XRCC4: variants seen among roughly 807,000 people sequenced by gnomAD.
XRCC4 encodes the protein DNA repair protein XRCC4.
In XRCC4, 28 loss-of-function variants were observed where a neutral mutation model predicts 39.1. That is an observed-to-expected ratio of 0.72 (90% CI 0.53 to 0.98). The LOEUF (loss-of-function observed/expected upper bound fraction) is 0.98, where lower values mean the gene tolerates loss of function less well. Among genes scored for constraint, XRCC4 ranks in the 50% least tolerant of loss-of-function variants. The probability of loss-of-function intolerance (pLI) is 0.00; values close to 1 mark genes in which losing one functional copy is unlikely to be tolerated. For missense variants in XRCC4, 350 were observed against 376.4 expected (o/e 0.93, Z 0.58); for synonymous variants, 123 against 126.4 (o/e 0.97, Z 0.18).
At chr5:83,298,982 G>T (rs1755184938) in intron 7 of XRCC4, among the ~76,000 whole-genome samples, 1 of 151,756 alleles carries the variant, frequency 6.6e-6, no homozygotes. Context: ...ATTTTATATA[G>T]TCAATGCTCA....
At chr5:83,197,264 A>G (rs1580357968) in intron 4 of XRCC4, among the ~76,000 whole-genome samples, 1 of 152,152 alleles carries the variant, frequency 6.6e-6, no homozygotes, top group East Asian at 1.9e-4. Flanking sequence ...AGATATCTGT[A>G]CTACAAAGCA....
At chr5:83,155,232 G>A (rs896562518) in intron 3 of XRCC4, among the ~76,000 whole-genome samples, 1 of 152,100 alleles carries the variant, frequency 6.6e-6, no homozygotes, top group Non-Finnish European at 1.5e-5. Flanking sequence ...TATCATGAGT[G>A]TATATGATTC....
intron 6 of XRCC4, among the ~76,000 whole-genome samples, chr5:83,254,465 A>G (rs1445840119): frequency 6.6e-6 from 1 of 152,194 alleles, no homozygotes; most frequent in African/African-American, 2.4e-5. Flanking sequence ...AAATGAATAC[A>G]TATAACCTAA....
intron 6 of XRCC4, among the ~76,000 whole-genome samples, chr5:83,214,950 G>C (rs1303044258): frequency 6.6e-6 from 1 of 151,594 alleles, no homozygotes; most frequent in Non-Finnish European, 1.5e-5. Context: ...AGAAATTCAA[G>C]ACTCCTACAC....
At chr5:83,321,060 C>T (rs1202436873) in intron 7 of XRCC4, among the ~76,000 whole-genome samples, 1 of 152,010 alleles carries the variant, frequency 6.6e-6, no homozygotes, top group Non-Finnish European at 1.5e-5. Flanking sequence ...CTGCCCGCCT[C>T]GGCCTCCCAA....
chr5:83,145,364 T>C (rs1444066878), intron 3 of XRCC4, among the ~76,000 whole-genome samples: 1 of 152,204 alleles, frequency 6.6e-6, no homozygotes, highest in Non-Finnish European at 1.5e-5. Context: ...CTGAACATTG[T>C]GAATGATGTA....
intron 3 of XRCC4, among the ~76,000 whole-genome samples, chr5:83,192,611 G>A (rs1365663817): frequency 6.6e-6 from 1 of 151,844 alleles, no homozygotes; most frequent in African/African-American, 2.4e-5. Context: ...GCACCTGGCC[G>A]ATTATCAATA....
chr5:83,237,594 G>C (rs1752738353), intron 6 of XRCC4, among the ~76,000 whole-genome samples: 1 of 152,088 alleles, frequency 6.6e-6, no homozygotes, highest in South Asian at 2.1e-4. Context: ...GGGTGATAAA[G>C]AGGGGAATAG....
At chr5:83,265,924 A>G (rs916228584) in intron 7 of XRCC4, among the ~76,000 whole-genome samples, 1 of 152,084 alleles carries the variant, frequency 6.6e-6, no homozygotes, top group African/African-American at 2.4e-5. Context: ...GTACATTTAA[A>G]TTTTAAATTA....
intron 2 of XRCC4, among the ~76,000 whole-genome samples, chr5:83,109,695 T>C (rs1746357973): frequency 6.6e-6 from 1 of 151,858 alleles, no homozygotes; most frequent in African/African-American, 2.4e-5. Context: ...CCAAAGTAAT[T>C]GATGAGAATT....
intron 3 of XRCC4, among the ~76,000 whole-genome samples, chr5:83,171,761 T>C (rs1031390728): frequency 1.3e-5 from 2 of 152,208 alleles, no homozygotes; most frequent in Non-Finnish European, 2.9e-5. Flanking sequence ...CCATCAACTC[T>C]TTTCAAATTG....
rs1014681527 is a variant in XRCC4, at chr5:83,233,976, C to G, written c.746-24554C>G. Among the ~76,000 whole-genome samples, 4 of 151,596 alleles carry G rather than the reference C, an allele frequency of 2.6e-5. No individual in the cohort carries two copies. In the South Asian group the frequency reaches 8.3e-4, roughly 32 times the overall value. ...TGATAGACAGCACAGTTATTTACAG[C>G]ACTATGGAGATCTAGGGTTTAGTTT... On this transcript the variant is annotated intron_variant, in intron 6 of 7. Coordinates refer to ENST00000396027, the MANE Select transcript of XRCC4 (RefSeq NM_003401.5).
intron 7 of XRCC4, among the ~76,000 whole-genome samples, chr5:83,276,902 CAG>C (rs1055863611): frequency 1.3e-4 from 20 of 151,952 alleles, no homozygotes; most frequent in African/African-American, 4.6e-4. Flanking sequence ...TTGCTTATAA[CAG>C]AATCTTGTTA....
the XRCC4 span, among the ~76,000 whole-genome samples, chr5:83,360,703 C>A: frequency 6.6e-6 from 1 of 151,976 alleles, no homozygotes; most frequent in Non-Finnish European, 1.5e-5. Context: ...AGTTACAGAG[C>A]AGAACAGAAC....
intron 1 of XRCC4, among the ~76,000 whole-genome samples, chr5:83,088,007 TGTC>T (rs1201361402): frequency 6.6e-6 from 1 of 152,218 alleles, no homozygotes; most frequent in Non-Finnish European, 1.5e-5. Context: ...GGAATTGTAT[TGTC>T]GTTGCTACTG....
At chr5:83,229,947 A>G (rs1349140030) in intron 6 of XRCC4, among the ~76,000 whole-genome samples, 2 of 152,000 alleles carry the variant, frequency 1.3e-5, no homozygotes, top group African/African-American at 4.8e-5. Context: ...TTGTGCTTCT[A>G]TACTAGAATT....
chr5:83,240,005 AAAAC>A (rs1752843270), intron 6 of XRCC4, among the ~76,000 whole-genome samples: 3 of 151,766 alleles, frequency 2.0e-5, no homozygotes, highest in Non-Finnish European at 4.4e-5. Context: ...AGAGGAAAAA[AAAAC>A]AAAAACAAAA....
chr5:83,343,157 A>G (rs1756813907), intron 7 of XRCC4, among the ~76,000 whole-genome samples: 1 of 151,512 alleles, frequency 6.6e-6, no homozygotes, highest in Non-Finnish European at 1.5e-5. Context: ...CTTACCCCTC[A>G]TCTTCATCCC....
intron 3 of XRCC4, among the ~76,000 whole-genome samples, chr5:83,163,588 T>A (rs966580429): frequency 6.6e-6 from 1 of 152,194 alleles, no homozygotes; most frequent in Non-Finnish European, 1.5e-5. Flanking sequence ...CATAACAGAT[T>A]CCTGGTATTT....
Sources: gnomAD v4.1 joint callset for allele counts (sites outside exome capture counted in the v4.1 genomes callset) on GRCh38, gnomAD v4.1.1 for gene constraint, MANE v1.5 for transcripts, NCBI Gene and HGNC (gene_info 2026-07-23, HGNC 2026-07-21) for gene names.